KLF7: variants seen among roughly 807,000 people sequenced by gnomAD.
The protein encoded by KLF7 is KLF transcription factor 7.
Under a neutral mutation model 27.3 loss-of-function variants are expected in KLF7, and 2 were observed. The ratio of observed to expected loss-of-function variants is 0.07; its 90% CI spans 0.03 to 0.23. The LOEUF (loss-of-function observed/expected upper bound fraction) is 0.23. Ranked by LOEUF, KLF7 falls within the 10% of genes least tolerant of loss-of-function variation. KLF7 has a pLI of 1.00. For missense variants in KLF7, 221 were observed against 394.1 expected, an observed-to-expected ratio of 0.56 and a Z score of 3.72; for synonymous variants, 165 against 162.4, an observed-to-expected ratio of 1.02 and a Z score of -0.12.
At chr2:207,125,321 A>T (rs1164919337) in intron 1 of KLF7, among the ~76,000 whole-genome samples, 1 of 152,350 alleles carries the variant, frequency 6.6e-6, no homozygotes, top group Non-Finnish European at 1.5e-5. Context: ...AAAAGTCGAT[A>T]TTTAAGAAGT....
At chr2:207,162,041 T>C (rs570214848) in intron 1 of KLF7, among the ~76,000 whole-genome samples, 13 of 152,364 alleles carry the variant, frequency 8.5e-5, no homozygotes, top group Admixed American at 7.8e-4. Flanking sequence ...TCATCACTGC[T>C]TGACCTGCAC....
rs572240585 is a variant in KLF7 at position 207,161,644 on chromosome 2, G to A, written c.102+3823C>T. Among the ~76,000 whole-genome samples the A allele has an allele frequency of 1.5e-4, 23 of 152,306 alleles. No homozygotes were observed. In the South Asian group the frequency reaches 4.4e-3, roughly 29 times the overall value. ...CCAAATCCCATCCCTGGTACCATGA[G>A]GCTGTTCTTGGAATGCAACCATTTC... On this transcript the variant is annotated intron_variant, in intron 1 of 3. Coordinates refer to ENST00000309446, the MANE Select transcript of KLF7 (RefSeq NM_003709.4).
At chr2:207,131,139 C>G (rs2241263) in intron 1 of KLF7, among the ~76,000 whole-genome samples, 44,719 of 152,126 alleles carry the variant, frequency 0.29, 7,045 homozygotes, top group East Asian at 0.54. Flanking sequence ...AGTCATGCTT[C>G]CTCTGAGATC....
At chr2:207,124,770 G>A (rs1158119027) in intron 1 of KLF7, among the ~76,000 whole-genome samples, 1 of 152,182 alleles carries the variant, frequency 6.6e-6, no homozygotes, top group Non-Finnish European at 1.5e-5. Context: ...GAAGCAAATA[G>A]AAACAGATAA....
rs532821124 is a variant in KLF7 at position 207,099,783 on chromosome 2, T to C, written c.734-11202A>G. On this transcript the variant is annotated intron_variant, in intron 2 of 3. Transcript: ENST00000309446. ...AGCTTAAGCATATCACTAGTTCATATGGTAATTTTCTCTAAACTTAAAAAA... is the reference window on the plus strand; with the variant it reads ...AGCTTAAGCATATCACTAGTTCATACGGTAATTTTCTCTAAACTTAAAAAA... Among the ~76,000 whole-genome samples the C allele has an allele frequency of 7.9e-5, 12 of 151,914 alleles. No homozygotes were observed. In the South Asian group the frequency reaches 1.5e-3, roughly 18 times the overall value.
chr2:207,124,169 T>C lies in KLF7; in HGVS notation c.338A>G (p.Gln113Arg), dbSNP rs2077415736. 1 of 1,614,030 alleles carries C rather than the reference T, an allele frequency of 6.2e-7. No homozygotes were observed. Among genetic ancestry groups the C allele is most frequent in the African/African-American group, 1.3e-5 (1 of 74,914 alleles). ...GCTGTCTAGAGAAGAGCTGGCCGGC[T>C]GGAGGCTGAGGCAGGTCTCAGATAG... ...KLLSETCLSL[Q>R]PASSSLDSYT... is the part of the protein sequence containing the mutation. Residue 113 changes from glutamine (Q) to arginine (R), a missense_variant, in exon 2 of 4, where the codon CAG (glutamine) becomes CGG (arginine). Coordinates refer to ENST00000309446, the MANE Select transcript of KLF7 (RefSeq NM_003709.4).
At position 207,077,678 on chromosome 2, in the gene KLF7, T is replaced by A. The variant is rs2076199330; in HGVS notation, c.*3535A>T. 6.6e-6 allele frequency: 1 copy of A among 152,196 alleles called. No homozygotes were observed. The highest frequency in any genetic ancestry group is 1.5e-5 in the Non-Finnish European group (1 of 68,054). 9.4% of individuals were successfully genotyped at this position (152,196 alleles called of 1,614,324 possible). On this transcript the variant is annotated 3_prime_UTR_variant, in exon 4 of 4. Coordinates refer to ENST00000309446, the MANE Select transcript of KLF7 (RefSeq NM_003709.4). The stretch of plus-strand genomic sequence containing the variant: ...TACCACCAGGCATTGAGCTGAGCCA[T>A]TAACCATGGGTGGGGCAGGAGGCCA...
At chr2:207,152,644 C>T (rs1395925475) in intron 1 of KLF7, among the ~76,000 whole-genome samples, 3 of 152,096 alleles carry the variant, frequency 2.0e-5, no homozygotes, top group Non-Finnish European at 4.4e-5. Context: ...AAGTGAGATG[C>T]GATTTGGAAA....
rs376612032 is a variant in KLF7 at position 207,165,606 on chromosome 2, C to T, written c.-38G>A. 7 of 1,612,130 alleles carry T rather than the reference C, an allele frequency of 4.3e-6. No homozygotes were observed. The African/African-American group carries it at 6.7e-5, about 15-fold the overall frequency. Reference sequence around the variant, plus strand: ...GGGCAAAACGGGAGGCGAAACCCTCCCCCGAACACAGTTGGGGCTGTTTGT... The same window carrying T: ...GGGCAAAACGGGAGGCGAAACCCTCTCCCGAACACAGTTGGGGCTGTTTGT... On this transcript the variant is annotated 5_prime_UTR_variant, in exon 1 of 4. Coordinates refer to ENST00000309446, the MANE Select transcript of KLF7 (RefSeq NM_003709.4).
At chr2:207,167,024 T>G (rs372467806), upstream of KLF7, 258 of 940,258 alleles carry the variant, frequency 2.7e-4, 1 homozygote, top group African/African-American at 4.1e-3. Context: ...TAGAGTTGAT[T>G]GCAAGGGGCC....
At chr2:207,150,259 C>T (rs2078205667) in intron 1 of KLF7, among the ~76,000 whole-genome samples, 1 of 152,186 alleles carries the variant, frequency 6.6e-6, no homozygotes, top group Non-Finnish European at 1.5e-5. Context: ...ACTAAGTTTA[C>T]TTTGCAAAAT....
chr2:207,135,211 G>C (rs1205361551), intron 1 of KLF7, among the ~76,000 whole-genome samples: 1 of 152,036 alleles, frequency 6.6e-6, no homozygotes, highest in Non-Finnish European at 1.5e-5. Context: ...GGAATTCTAT[G>C]AGGAAGCAAA....
intron 1 of KLF7, chr2:207,134,100 T>A: frequency 6.5e-7 from 1 of 1,532,266 alleles, no homozygotes; most frequent in Non-Finnish European, 8.7e-7. Context: ...ACCAGTTACA[T>A]CATCTCCCCT....
chr2:207,120,257 C>T (rs1002436398), intron 2 of KLF7, among the ~76,000 whole-genome samples: 1 of 152,122 alleles, frequency 6.6e-6, no homozygotes, highest in African/African-American at 2.4e-5. Context: ...CAAAAAACAG[C>T]CACAGAAGGA....
At chr2:207,106,201 T>C (rs897959889) in intron 2 of KLF7, among the ~76,000 whole-genome samples, 10 of 152,214 alleles carry the variant, frequency 6.6e-5, no homozygotes, top group Non-Finnish European at 1.2e-4. Flanking sequence ...ATGGCAGCCA[T>C]TGTGAGCTTT....
intron 2 of KLF7, among the ~76,000 whole-genome samples, chr2:207,105,331 T>G (rs1426415798): frequency 6.6e-6 from 1 of 152,120 alleles, no homozygotes; most frequent in South Asian, 2.1e-4. Flanking sequence ...GTTCCTGGCA[T>G]GTTCTTTATG....
At chr2:207,081,319 T>A in intron 3 of KLF7, 55 bp from the exon 4 acceptor site, 1 of 1,361,256 alleles carries the variant, frequency 7.3e-7, no homozygotes, top group Non-Finnish European at 1.1e-6. Flanking sequence ...CAGCTTGACT[T>A]GCATCACTCC....
In KLF7 at chr2:207,083,565, T is replaced by C. The variant is rs141650146; in HGVS notation, c.858-2301A>G. Among the ~76,000 whole-genome samples the C allele has an allele frequency of 2.6e-3, 393 of 152,232 alleles. 4 individuals are homozygous for C. The highest frequency in any genetic ancestry group is 8.6e-3 in the African/African-American group (359 of 41,534). The stretch of plus-strand genomic sequence containing the variant: ...TCTTAGTCACATCTGCTTAACCACA[T>C]TGAGGAGAAGAGAGAACTGGGCTGT... On this transcript the variant is annotated intron_variant, in intron 3 of 3. Transcript: ENST00000309446.
upstream of KLF7, chr2:207,166,888 G>C (rs2078729540): frequency 2.8e-6 from 3 of 1,072,034 alleles, no homozygotes; most frequent in Non-Finnish European, 3.4e-6. Context: ...GAGCGAGACC[G>C]CGGCCTGCGC....
Sources: gnomAD v4.1 joint callset for allele counts (sites outside exome capture counted in the v4.1 genomes callset) on GRCh38, gnomAD v4.1.1 for gene constraint, MANE v1.5 for transcripts, NCBI Gene and HGNC (gene_info 2026-07-23, HGNC 2026-07-21) for gene names.